The following METTL15 variants were observed in gnomAD, a reference collection of about 807,000 sequenced individuals.
METTL15 encodes methyltransferase 15, mitochondrial 12S rRNA N4-cytidine.
Under a neutral mutation model 38.3 loss-of-function variants are expected in METTL15, and 34 were observed. The ratio of observed to expected loss-of-function variants is 0.89; its 90% CI spans 0.68 to 1.18. METTL15 has a LOEUF of 1.18. METTL15 is among the 50% of genes most tolerant of loss of function. The pLI is 0.00. For missense variants in METTL15, 438 were observed against 498.4 expected (o/e 0.88, Z 1.15); for synonymous variants, 162 against 170.9 (o/e 0.95, Z 0.41).
chr11:28,159,956 A>G (rs7934668), intron 3 of METTL15, among the ~76,000 whole-genome samples: 5 of 152,102 alleles, frequency 3.3e-5, no homozygotes, highest in Admixed American at 6.5e-5. Context: ...AGTTATGTCT[A>G]TGAGAGTATT....
chr11:28,307,816 C>A (rs1484805302), intron 6 of METTL15, among the ~76,000 whole-genome samples: 1 of 151,928 alleles, frequency 6.6e-6, no homozygotes, highest in African/African-American at 2.4e-5. Context: ...AAAAAATGAT[C>A]TTTCCTAGTT....
intron 3 of METTL15, among the ~76,000 whole-genome samples, chr11:28,137,358 A>G (rs989552326): frequency 2.6e-5 from 4 of 152,224 alleles, no homozygotes; most frequent in African/African-American, 9.6e-5. Context: ...GCCTTCTGAT[A>G]ATCTTTTACT....
chr11:28,253,525 T>G (rs566988501), intron 4 of METTL15, among the ~76,000 whole-genome samples: 6 of 152,298 alleles, frequency 3.9e-5, no homozygotes, highest in African/African-American at 1.2e-4. Flanking sequence ...CACCCTATTT[T>G]ACTGTCAAAT....
At chr11:28,165,550 G>A (rs954060515) in intron 3 of METTL15, among the ~76,000 whole-genome samples, 1 of 151,524 alleles carries the variant, frequency 6.6e-6, no homozygotes, top group Non-Finnish European at 1.5e-5. Context: ...TTAGTTTTTT[G>A]AGTTTGTTAA....
intron 6 of METTL15, among the ~76,000 whole-genome samples, chr11:28,495,186 T>C (rs1048660925): frequency 4.6e-5 from 7 of 152,178 alleles, no homozygotes; most frequent in Non-Finnish European, 8.8e-5. Context: ...ATATAAACCA[T>C]AGAGACAGCC....
intron 4 of METTL15, among the ~76,000 whole-genome samples, chr11:28,225,687 A>G (rs1414733362): frequency 6.6e-6 from 1 of 151,802 alleles, no homozygotes; most frequent in Admixed American, 6.6e-5. Flanking sequence ...CTGGTTGGTC[A>G]CTTTTAGTTA....
At chr11:28,510,323 GT>G (rs1184258914) in intron 6 of METTL15, among the ~76,000 whole-genome samples, 1 of 152,108 alleles carries the variant, frequency 6.6e-6, no homozygotes, top group Non-Finnish European at 1.5e-5. Context: ...TAAAAAATAT[GT>G]TTTGCATCTG....
intron 4 of METTL15, among the ~76,000 whole-genome samples, chr11:28,263,917 A>G (rs978220110): frequency 1.3e-5 from 2 of 152,044 alleles, no homozygotes; most frequent in Non-Finnish European, 2.9e-5. Context: ...AGATGATGGT[A>G]AGTGTTTTGA....
intron 6 of METTL15, among the ~76,000 whole-genome samples, chr11:28,506,736 C>CTTTTTT (rs71449180): frequency 9.0e-6 from 1 of 111,620 alleles, no homozygotes; most frequent in African/African-American, 3.6e-5. Flanking sequence ...ATCTCAGTCT[C>CTTTTTT]TTTTTTTTTT....
At chr11:28,186,481 TA>T (rs1851497909) in intron 3 of METTL15, among the ~76,000 whole-genome samples, 1 of 151,242 alleles carries the variant, frequency 6.6e-6, no homozygotes, top group Admixed American at 6.6e-5. Context: ...ATAGTTACAA[TA>T]AAAGTTATTT....
At chr11:28,236,394 C>T (rs1304353869) in intron 4 of METTL15, among the ~76,000 whole-genome samples, 1 of 152,132 alleles carries the variant, frequency 6.6e-6, no homozygotes, top group African/African-American at 2.4e-5. Flanking sequence ...ACCAGTTCCT[C>T]CTTGTACCTC....
At chr11:28,323,664 T>A (rs1849543023) in intron 6 of METTL15, among the ~76,000 whole-genome samples, 1 of 152,154 alleles carries the variant, frequency 6.6e-6, no homozygotes, top group Non-Finnish European at 1.5e-5. Flanking sequence ...GTCTGGTGGA[T>A]GTGTGGAAAA....
chr11:28,236,250 A>G (rs1312806983), intron 4 of METTL15, among the ~76,000 whole-genome samples: 2 of 152,050 alleles, frequency 1.3e-5, no homozygotes, highest in Non-Finnish European at 2.9e-5. Flanking sequence ...TTCATCAAGG[A>G]TATTGGTCTA....
At chr11:28,209,042 CCTGTGGAAACTTTCTTGATTGTCA>C (rs1483174655) in intron 3 of METTL15, among the ~76,000 whole-genome samples, 1 of 151,522 alleles carries the variant, frequency 6.6e-6, no homozygotes, top group Non-Finnish European at 1.5e-5. Context: ...TTTTTTTTCC[CCTGTGGAAACTTTCTTGATTGTCA>C]GTACATCTAC....
chr11:28,310,733 T>C (rs929120065), intron 6 of METTL15, among the ~76,000 whole-genome samples: 1 of 152,168 alleles, frequency 6.6e-6, no homozygotes, highest in African/African-American at 2.4e-5. Flanking sequence ...TTCTACATTC[T>C]GGCTTAACTG....
At chr11:28,245,589 C>T (rs1854476193) in intron 4 of METTL15, among the ~76,000 whole-genome samples, 1 of 152,100 alleles carries the variant, frequency 6.6e-6, no homozygotes, top group Non-Finnish European at 1.5e-5. Flanking sequence ...CAGTGTCTAA[C>T]AGGCATATAT....
intron 5 of METTL15, among the ~76,000 whole-genome samples, chr11:28,410,249 C>T (rs947629508): frequency 8.6e-5 from 13 of 151,978 alleles, no homozygotes; most frequent in African/African-American, 3.1e-4. Flanking sequence ...GAAGTAATAC[C>T]TCATACTTCT....
chr11:28,331,003 A>G lies in METTL15; in HGVS notation c.*162A>G. On this transcript the variant is annotated 3_prime_UTR_variant, in exon 7 of 7. Transcript: ENST00000407364. ...CTCAAAAAGAAACTGTAGGAAATAC[A>G]TGACAGAGAAAGTTACACTCAGGGA... 1 of 539,810 alleles carries G rather than the reference A, an allele frequency of 1.9e-6. No individual in the cohort carries two copies. The highest frequency in any genetic ancestry group is 3.2e-6 in the Non-Finnish European group (1 of 308,410). The allele number at this position is 539,810 out of a possible 1,614,324, so 33.4% of individuals were successfully genotyped here. A position where few individuals can be genotyped will look rare whatever the true frequency, so the allele number is the denominator to read the frequency against.
chr11:28,362,425 C>T (rs1304984484), intron 5 of METTL15, among the ~76,000 whole-genome samples: 2 of 152,042 alleles, frequency 1.3e-5, no homozygotes, highest in Non-Finnish European at 2.9e-5. Context: ...TCCTAATGAT[C>T]CCATCACCCA....
Sources: gnomAD v4.1 joint callset for allele counts (sites outside exome capture counted in the v4.1 genomes callset) on GRCh38, gnomAD v4.1.1 for gene constraint, MANE v1.5 for transcripts, NCBI Gene and HGNC (gene_info 2026-07-23, HGNC 2026-07-21) for gene names.